CRISPLD2: variants seen among roughly 807,000 people sequenced by gnomAD.
CRISPLD2 encodes the protein cysteine-rich secretory protein LCCL domain-containing 2.
A neutral mutation model predicts 71.1 loss-of-function variants in CRISPLD2; 47 were observed. That is an observed-to-expected ratio of 0.66 (90% CI 0.52 to 0.84). The LOEUF (loss-of-function observed/expected upper bound fraction) is 0.84. Ranked by LOEUF, CRISPLD2 falls within the 40% of genes least tolerant of loss-of-function variation. CRISPLD2 has a pLI of 0.00. For synonymous variants in CRISPLD2, 317 were observed against 250.1 expected (o/e 1.27, Z -2.52); for missense variants, 830 against 651.1 (o/e 1.27, Z -2.99).
intron 14 of CRISPLD2, among the ~76,000 whole-genome samples, chr16:84,902,857 C>T (rs1454401296): frequency 1.4e-5 from 2 of 143,770 alleles, no homozygotes; most frequent in African/African-American, 2.6e-5. Context: ...ACCGCAACCT[C>T]CACCTCCTGG....
intron 14 of CRISPLD2, among the ~76,000 whole-genome samples, chr16:84,893,967 T>C (rs1334193397): frequency 6.6e-6 from 1 of 152,206 alleles, no homozygotes; most frequent in East Asian, 1.9e-4. Flanking sequence ...CTGTGACCAG[T>C]TCACAGCAAA....
chr16:84,849,562 C>T (rs776491731), intron 4 of CRISPLD2, 45 bp downstream of exon 4: 10 of 1,593,126 alleles, frequency 6.3e-6, no homozygotes, highest in Middle Eastern at 3.5e-4. Context: ...CCCCCAATCC[C>T]AGTCATTCAC....
chr16:84,866,994 G>A lies in CRISPLD2; in HGVS notation c.807G>A (p.Val269=), dbSNP rs144993414. ...ACCATGTTTGGCTCCAACCGAGGGT[G>A]ATGAGACCCACCAAGCCCAAGAAAA... ...EENHVWLQPR[V]MRPTKPKKTS... Residue 269 remains valine (V), a synonymous_variant, in exon 7 of 15, where the codon GTG becomes GTA. Transcript: ENST00000262424. 37 of 1,614,072 alleles carry A rather than the reference G, an allele frequency of 2.3e-5. No homozygotes were observed. In the African/African-American group the frequency reaches 2.4e-4, roughly 10 times the overall value.
chr16:84,875,408 C>T (rs56925087), intron 11 of CRISPLD2, among the ~76,000 whole-genome samples: 23,689 of 131,534 alleles, frequency 0.18, 2,297 homozygotes, highest in South Asian at 0.27. Context: ...GAGATTTATG[C>T]ATGGACTTTT....
At position 84,825,780 on chromosome 16, in the gene CRISPLD2, T is replaced by TAA. The variant is rs1175977477; in HGVS notation, c.-75+5649_-75+5650dup. Among the ~76,000 whole-genome samples the TAA allele has an allele frequency of 4.6e-3, 699 of 150,938 alleles. 5 individuals are homozygous for TAA. Among genetic ancestry groups the TAA allele is most frequent in the African/African-American group, 0.016 (668 of 41,190 alleles). On this transcript the variant is annotated intron_variant, in intron 1 of 14. Coordinates refer to ENST00000262424, the MANE Select transcript of CRISPLD2 (RefSeq NM_031476.4). ...AAATAAATAAATAAATAAATAAAAA[T>TAA]AAATACATAAATACATAAAATAAAA...
At chr16:84,871,813 A>C (rs944070356) in intron 8 of CRISPLD2, among the ~76,000 whole-genome samples, 1 of 144,262 alleles carries the variant, frequency 6.9e-6, no homozygotes, top group African/African-American at 2.6e-5. Context: ...TGGCCTCCCA[A>C]AGTGCTGGGA....
intron 8 of CRISPLD2, among the ~76,000 whole-genome samples, chr16:84,871,271 G>C (rs1328745549): frequency 1.3e-5 from 2 of 151,902 alleles, no homozygotes; most frequent in Non-Finnish European, 2.9e-5. Context: ...AAAAATCCTT[G>C]CAGGCCAGGC....
In CRISPLD2 at chr16:84,838,597, G is replaced by C. The variant is rs145368506; in HGVS notation, c.102G>C (p.Leu34=). The change falls in exon 2 of 15, where the codon CTG becomes CTC. Residue 34 remains leucine (L), a synonymous_variant. Coordinates refer to ENST00000262424, the MANE Select transcript of CRISPLD2 (RefSeq NM_031476.4). ...LLPNVTLLEE[L]LSKYQHNESH... is the part of the protein sequence containing the mutation. ...CCAACGTCACTCTCTTAGAGGAGCTGCTCAGCAAATACCAGCACAACGAGT... is the reference window on the plus strand; with the variant it reads ...CCAACGTCACTCTCTTAGAGGAGCTCCTCAGCAAATACCAGCACAACGAGT... 6.2e-7 allele frequency: 1 copy of C among 1,614,248 alleles called. No homozygotes were observed. Among genetic ancestry groups the C allele is most frequent in the African/African-American group, 1.3e-5 (1 of 75,058 alleles).
At position 84,871,890 on chromosome 16, in the gene CRISPLD2, A is replaced by T. The variant is rs1249621652; in HGVS notation, c.915-552A>T. On this transcript the variant is annotated intron_variant, in intron 8 of 14. Transcript: ENST00000262424. Reference sequence around the variant, plus strand: ...AATGAGAAAAAAAAAAAAAAAAAAAAAAAAAAAAAGACTATGGTTGACCTT... The same window carrying T: ...AATGAGAAAAAAAAAAAAAAAAAAATAAAAAAAAAGACTATGGTTGACCTT... Among the ~76,000 whole-genome samples the T allele has an allele frequency of 2.8e-3, 426 of 149,582 alleles. 2 individuals are homozygous for T. Among genetic ancestry groups the T allele is most frequent in the African/African-American group, 0.01 (412 of 40,706 alleles).
At chr16:84,891,024 C>T (rs927330277) in intron 14 of CRISPLD2, among the ~76,000 whole-genome samples, 1 of 152,124 alleles carries the variant, frequency 6.6e-6, no homozygotes, top group Non-Finnish European at 1.5e-5. Context: ...GGCTTGGCCT[C>T]CCAAAGTGCT....
intron 2 of CRISPLD2, chr16:84,839,308 A>T (rs1253158835): frequency 4.1e-6 from 1 of 246,516 alleles, no homozygotes; most frequent in Non-Finnish European, 8.1e-6. Flanking sequence ...AGCCTTTCCC[A>T]CCTGGAGGCA....
At chr16:84,894,111 G>T (rs1567704945) in intron 14 of CRISPLD2, among the ~76,000 whole-genome samples, 1 of 152,194 alleles carries the variant, frequency 6.6e-6, no homozygotes, top group African/African-American at 2.4e-5. Context: ...TCCTCTAGAA[G>T]AGGACTTCCT....
In CRISPLD2 at chr16:84,825,215, C is replaced by T. The variant is rs189332220; in HGVS notation, c.-75+5082C>T. 2.3e-3 allele frequency among the ~76,000 whole-genome samples: 345 copies of T among 151,682 alleles called. 2 individuals carry two copies. Among genetic ancestry groups the T allele is most frequent in the Non-Finnish European group, 3.8e-3 (255 of 67,906 alleles). On this transcript the variant is annotated intron_variant, in intron 1 of 14. Coordinates refer to ENST00000262424, the MANE Select transcript of CRISPLD2 (RefSeq NM_031476.4). ...GGTTTGGGAAATGCTGGATCAAGGT[C>T]GGGGAAGAAGGAGAACTGAGAGGCT... is the stretch of plus-strand genomic sequence containing the variant.
intron 13 of CRISPLD2, among the ~76,000 whole-genome samples, chr16:84,887,072 A>G (rs961572565): frequency 1.3e-5 from 2 of 151,966 alleles, no homozygotes; most frequent in Non-Finnish European, 2.9e-5. Context: ...CTTCTCCACC[A>G]TGTCTTGCTC....
chr16:84,853,023 C>T (rs186402291), intron 5 of CRISPLD2, among the ~76,000 whole-genome samples: 5 of 152,234 alleles, frequency 3.3e-5, no homozygotes, highest in African/African-American at 1.2e-4. Flanking sequence ...GCTGTGGTCA[C>T]ACCACTGCAC....
At chr16:84,829,467 G>A (rs979213415) in intron 1 of CRISPLD2, among the ~76,000 whole-genome samples, 4 of 152,200 alleles carry the variant, frequency 2.6e-5, no homozygotes, top group African/African-American at 7.2e-5. Context: ...TTTCTGGGTG[G>A]TTTGTGGGTA....
At position 84,872,477 on chromosome 16, in the gene CRISPLD2, C is replaced by T. The variant is rs201861816; in HGVS notation, c.950C>T (p.Ala317Val). ...CCAGCAGGCTGCCTGAACCACAAGG[C>T]GAAGATCTTTGGAACTCTGTTCTAT... The part of the protein sequence containing the change: ...QCPAGCLNHK[A>V]KIFGTLFYES... Residue 317 changes from alanine (A) to valine (V), a missense_variant, in exon 9 of 15, where the codon GCG becomes GTG. Coordinates refer to ENST00000262424, the MANE Select transcript of CRISPLD2 (RefSeq NM_031476.4). 18 of 1,613,844 alleles carry T rather than the reference C, an allele frequency of 1.1e-5. No homozygotes were observed. The highest frequency in any genetic ancestry group is 1.1e-4 in the African/African-American group (8 of 74,896).
In CRISPLD2 at chr16:84,880,527, C is replaced by A; in HGVS notation, c.1248C>A (p.His416Gln). 1 of 1,613,750 alleles carries A rather than the reference C, an allele frequency of 6.2e-7. No individual in the cohort carries two copies. The highest frequency in any genetic ancestry group is 8.5e-7 in the Non-Finnish European group (1 of 1,179,758). Residue 416 changes from histidine to glutamine, a missense_variant, in exon 13 of 15, where the codon CAC (histidine) becomes CAA (glutamine). Coordinates refer to ENST00000262424, the MANE Select transcript of CRISPLD2 (RefSeq NM_031476.4). ...TTTTCAGAATCCATTGTCCGGCACA[C>A]TGCAAAGACGAACCTTCCTACTGGG... is the stretch of plus-strand genomic sequence containing the variant. The part of the protein sequence containing the change: ...THCPRIHCPA[H>Q]CKDEPSYWAP...
At chr16:84,827,247 C>G (rs1416273849) in intron 1 of CRISPLD2, among the ~76,000 whole-genome samples, 3 of 152,120 alleles carry the variant, frequency 2.0e-5, no homozygotes, top group Non-Finnish European at 4.4e-5. Flanking sequence ...AGTCTGGCCC[C>G]TTCTGTTGGT....
Sources: allele counts gnomAD v4.1 joint callset (sites outside exome capture counted in the v4.1 genomes callset), GRCh38; gene constraint gnomAD v4.1.1; transcripts MANE v1.5; gene names NCBI Gene and HGNC (gene_info 2026-07-23, HGNC 2026-07-21).